The following CCNY variants were observed in gnomAD, a reference collection of about 807,000 sequenced individuals.
CCNY encodes cyclin Y.
Under a neutral mutation model 42.8 loss-of-function variants are expected in CCNY, and 19 were observed. That is an observed-to-expected ratio of 0.44 (90% CI 0.31 to 0.65). The LOEUF (loss-of-function observed/expected upper bound fraction) is 0.65, where lower values mean the gene tolerates loss of function less well. CCNY is among the 30% of genes least tolerant of loss of function. The pLI is 0.07. For missense variants in CCNY, 370 were observed against 437.3 expected (o/e 0.85, Z 1.37); for synonymous variants, 165 against 162.7 (o/e 1.01, Z -0.11).
At chr10:35,257,989 G>C (rs1025573573) in intron 3 of CCNY, among the ~76,000 whole-genome samples, 3 of 151,944 alleles carry the variant, frequency 2.0e-5, no homozygotes, top group African/African-American at 7.3e-5. Flanking sequence ...TAACTTTACT[G>C]ACTCCTCCTT....
intron 8 of CCNY, among the ~76,000 whole-genome samples, chr10:35,560,392 T>C (rs1013304237): frequency 2.0e-5 from 3 of 152,140 alleles, no homozygotes; most frequent in African/African-American, 7.2e-5. Context: ...TAAATTAACA[T>C]TGGTTCATTT....
chr10:35,455,893 A>G (rs1839023428), intron 1 of CCNY, among the ~76,000 whole-genome samples: 1 of 144,452 alleles, frequency 6.9e-6, no homozygotes, highest in African/African-American at 2.6e-5. Context: ...ATCATAGCTC[A>G]CTGAAGCCCC....
At chr10:35,281,504 A>T (rs1835298963) in intron 3 of CCNY, among the ~76,000 whole-genome samples, 1 of 152,068 alleles carries the variant, frequency 6.6e-6, no homozygotes, top group South Asian at 2.1e-4. Context: ...GAGTTTCAGC[A>T]TCTTGGCCAG....
intron 3 of CCNY, among the ~76,000 whole-genome samples, chr10:35,322,094 G>A (rs1409702627): frequency 6.6e-6 from 1 of 152,164 alleles, no homozygotes; most frequent in Non-Finnish European, 1.5e-5. Context: ...GGTGGCTCAC[G>A]CCTGTAATCC....
At chr10:35,433,735 C>T (rs1041750556) in intron 1 of CCNY, among the ~76,000 whole-genome samples, 4 of 152,146 alleles carry the variant, frequency 2.6e-5, no homozygotes, top group Non-Finnish European at 4.4e-5. Flanking sequence ...CCTCAGCCTC[C>T]CCAGTATCTG....
At chr10:35,425,494 T>A (rs1838246524) in intron 1 of CCNY, among the ~76,000 whole-genome samples, 1 of 152,196 alleles carries the variant, frequency 6.6e-6, no homozygotes, top group African/African-American at 2.4e-5. Flanking sequence ...CGTAATAGAA[T>A]ATTAGTTGAG....
At chr10:35,362,657 G>A (rs1294641875) in intron 1 of CCNY, among the ~76,000 whole-genome samples, 1 of 152,312 alleles carries the variant, frequency 6.6e-6, no homozygotes, top group Non-Finnish European at 1.5e-5. Context: ...CTTTGGAGAG[G>A]GCAGAAAGAT....
intron 1 of CCNY, among the ~76,000 whole-genome samples, chr10:35,448,026 T>C (rs1838830208): frequency 6.6e-6 from 1 of 152,176 alleles, no homozygotes; most frequent in Non-Finnish European, 1.5e-5. Flanking sequence ...GCTCCTTGGC[T>C]CAGCTGGCAC....
At chr10:35,490,956 G>T (rs1224406680) in intron 2 of CCNY, among the ~76,000 whole-genome samples, 1 of 152,206 alleles carries the variant, frequency 6.6e-6, no homozygotes, top group African/African-American at 2.4e-5. Flanking sequence ...CTCTAGTCTA[G>T]CCCTAAGTTA....
intron 5 of CCNY, among the ~76,000 whole-genome samples, chr10:35,527,931 A>G (rs1387778626): frequency 2.0e-5 from 3 of 152,194 alleles, no homozygotes; most frequent in South Asian, 2.1e-4. Context: ...GAAACAGTCT[A>G]CTTCTCAGAG....
At chr10:35,454,371 G>A (rs372338304) in intron 1 of CCNY, among the ~76,000 whole-genome samples, 5 of 152,234 alleles carry the variant, frequency 3.3e-5, no homozygotes, top group Non-Finnish European at 7.3e-5. Flanking sequence ...GCGGTTCAGC[G>A]CAGGTTTACC....
intron 1 of CCNY, among the ~76,000 whole-genome samples, chr10:35,451,219 C>T (rs574247480): frequency 8.5e-5 from 13 of 152,180 alleles, no homozygotes; most frequent in Non-Finnish European, 1.5e-4. Flanking sequence ...CATCTTCTCC[C>T]ACTTCTTCCC....
intron 1 of CCNY, among the ~76,000 whole-genome samples, chr10:35,461,099 TCTC>T (rs1839148223): frequency 6.6e-6 from 1 of 152,076 alleles, no homozygotes; most frequent in Non-Finnish European, 1.5e-5. Flanking sequence ...TGGCTGAAGG[TCTC>T]CTGTTTATGG....
rs34467762 is a variant in CCNY, at chr10:35,275,056, CTTTTTTTTT to C, written c.-9+24447_-9+24455del. On this transcript the variant is annotated intron_variant, in intron 3 of 11. Coordinates refer to the CCNY transcript ENST00000374706. The stretch of plus-strand genomic sequence containing the variant: ...TATTGTTTTTGATTCACCGTCATTC[CTTTTTTTTT>C]TTTTTTTTTTTTTTTTGAGATGGAG... 1.1e-4 allele frequency among the ~76,000 whole-genome samples: 7 copies of C among 64,892 alleles called. No homozygotes were observed. The South Asian group carries it at 2.1e-3, about 20-fold the overall frequency. 42.6% of individuals were successfully genotyped at this position (64,892 alleles called of 152,430 possible). A position where few individuals can be genotyped will look rare whatever the true frequency, so the allele number is the denominator to read the frequency against.
intron 3 of CCNY, among the ~76,000 whole-genome samples, chr10:35,317,826 A>G (rs1231450720): frequency 6.6e-6 from 1 of 152,162 alleles, no homozygotes; most frequent in African/African-American, 2.4e-5. Flanking sequence ...CGTTTGGAGG[A>G]AGCTATTGCT....
chr10:35,462,274 CTT>C (rs1412535723), intron 1 of CCNY, among the ~76,000 whole-genome samples: 3 of 152,228 alleles, frequency 2.0e-5, no homozygotes, highest in Non-Finnish European at 4.4e-5. Context: ...TTTGATGCCT[CTT>C]TAGGAATGGC....
intron 1 of CCNY, among the ~76,000 whole-genome samples, chr10:35,391,260 G>T (rs1408062715): frequency 6.6e-6 from 1 of 152,198 alleles, no homozygotes; most frequent in Non-Finnish European, 1.5e-5. Flanking sequence ...GCTAGGGTTG[G>T]ACCGCACAGT....
Position 35,558,529 on chromosome 10 carries a change from C to G in CCNY, c.746+5344C>G, listed in dbSNP as rs11010225. On this transcript the variant is annotated intron_variant, in intron 8 of 9. Transcript: ENST00000374704. ...CATGACATGGGCTGAATTGTCTCCT[C>G]TAAAATAGATGTGTGAAGTCCTAAC... Among the ~76,000 whole-genome samples the G allele has an allele frequency of 4.5e-3, 689 of 152,286 alleles. 6 individuals carry two copies. Among genetic ancestry groups the G allele is most frequent in the African/African-American group, 0.016 (657 of 41,548 alleles).
At chr10:35,430,996 A>G (rs1838381997) in intron 1 of CCNY, among the ~76,000 whole-genome samples, 1 of 151,890 alleles carries the variant, frequency 6.6e-6, no homozygotes, top group African/African-American at 2.4e-5. Context: ...GTGCTGCTGT[A>G]GTCCCAGCTA....
Sources: gnomAD v4.1 joint callset for allele counts (sites outside exome capture counted in the v4.1 genomes callset) on GRCh38, gnomAD v4.1.1 for gene constraint, MANE v1.5 for transcripts, NCBI Gene and HGNC (gene_info 2026-07-23, HGNC 2026-07-21) for gene names.